The following GALNT17 variants were observed in gnomAD, a reference collection of about 807,000 sequenced individuals.
GALNT17 encodes the protein UDP-GalNAc:polypeptide N-acetylgalactosaminyltransferase-like 3.
Under a neutral mutation model 63.7 loss-of-function variants are expected in GALNT17, and 29 were observed. The ratio of observed to expected loss-of-function variants is 0.46; its 90% CI spans 0.34 to 0.62. The LOEUF is 0.62. GALNT17 is among the 20% of genes least tolerant of loss of function. The probability of loss-of-function intolerance (pLI) is 0.01; values close to 1 mark genes in which losing one functional copy is unlikely to be tolerated. For synonymous variants in GALNT17, 305 were observed against 318.3 expected (o/e 0.96, Z 0.45); for missense variants, 603 against 799.6 (o/e 0.75, Z 2.97).
intron 1 of GALNT17, among the ~76,000 whole-genome samples, chr7:71,200,231 C>T (rs886084964): frequency 3.3e-5 from 5 of 152,070 alleles, no homozygotes; most frequent in African/African-American, 1.2e-4. Flanking sequence ...TTGAAAGCCC[C>T]ATGTCTTTAT....
At chr7:71,275,288 A>G (rs1385307054) in intron 1 of GALNT17, among the ~76,000 whole-genome samples, 1 of 152,162 alleles carries the variant, frequency 6.6e-6, no homozygotes, top group Non-Finnish European at 1.5e-5. Context: ...CAAATTCCCA[A>G]GATGTAGTGA....
intron 1 of GALNT17, 81 bp from the exon 2 acceptor site, chr7:71,335,469 G>A: frequency 7.5e-7 from 1 of 1,336,262 alleles, no homozygotes; most frequent in Admixed American, 2.7e-5. Flanking sequence ...TAAAATGTCT[G>A]TTGAAGCTGC....
At chr7:71,590,124 T>C (rs1467457985) in intron 6 of GALNT17, among the ~76,000 whole-genome samples, 1 of 152,170 alleles carries the variant, frequency 6.6e-6, no homozygotes, top group Non-Finnish European at 1.5e-5. Flanking sequence ...AGCATGAAAT[T>C]GGATTTCCTC....
intron 1 of GALNT17, among the ~76,000 whole-genome samples, chr7:71,319,741 T>C (rs1791569358): frequency 6.6e-6 from 1 of 152,212 alleles, no homozygotes; most frequent in Non-Finnish European, 1.5e-5. Context: ...TTCAACATCC[T>C]TTGTTGCTCA....
At chr7:71,640,500 G>A (rs1190173353) in intron 6 of GALNT17, among the ~76,000 whole-genome samples, 2 of 152,050 alleles carry the variant, frequency 1.3e-5, no homozygotes, top group African/African-American at 2.4e-5. Flanking sequence ...TTTCTTTAAT[G>A]AATGTAGGCT....
intron 2 of GALNT17, among the ~76,000 whole-genome samples, chr7:71,337,306 A>G (rs1031927789): frequency 2.0e-5 from 3 of 152,074 alleles, no homozygotes; most frequent in East Asian, 1.9e-4. Flanking sequence ...ATAACATTCT[A>G]TTGAATATTT....
At chr7:71,657,870 A>C (rs569923356) in intron 6 of GALNT17, among the ~76,000 whole-genome samples, 1,642 of 147,450 alleles carry the variant, frequency 0.011, 37 homozygotes, top group African/African-American at 0.04. Context: ...GGATGGATGG[A>C]TGGATGGATG....
intron 1 of GALNT17, among the ~76,000 whole-genome samples, chr7:71,148,925 G>C (rs1298677682): frequency 1.5e-5 from 2 of 136,138 alleles, no homozygotes; most frequent in African/African-American, 5.5e-5. Flanking sequence ...ACAACTATTT[G>C]ATTTTGTTGT....
chr7:71,165,679 A>C (rs1055826689), intron 1 of GALNT17, among the ~76,000 whole-genome samples: 3 of 152,250 alleles, frequency 2.0e-5, no homozygotes, highest in African/African-American at 7.2e-5. Flanking sequence ...AAACCATGTC[A>C]AGATACATGT....
At chr7:71,379,798 G>C (rs1792811332) in intron 2 of GALNT17, among the ~76,000 whole-genome samples, 2 of 152,114 alleles carry the variant, frequency 1.3e-5, no homozygotes, top group African/African-American at 4.8e-5. Context: ...TTTCAGTGAA[G>C]GTCCAGGCTA....
chr7:71,205,154 T>G lies in GALNT17; in HGVS notation c.238+72114T>G, dbSNP rs1387678113. On this transcript the variant is annotated intron_variant, in intron 1 of 10. Coordinates refer to ENST00000333538, the MANE Select transcript of GALNT17 (RefSeq NM_022479.3). ...TATTTTTTATTTTTTACTTTTTACT[T>G]TTTTTTTTTTTTTTTTTTGAGACAG... Among the ~76,000 whole-genome samples, 3 of 64,820 alleles carry G rather than the reference T, an allele frequency of 4.6e-5. No homozygotes were observed. In the African/African-American group the frequency reaches 5.3e-4, roughly 11 times the overall value. The allele number at this position is 64,820 out of a possible 152,430, so 42.5% of individuals were successfully genotyped here.
chr7:71,364,609 C>T (rs1380452662), intron 2 of GALNT17, among the ~76,000 whole-genome samples: 1 of 152,082 alleles, frequency 6.6e-6, no homozygotes, highest in Non-Finnish European at 1.5e-5. Context: ...TTTTCAATGA[C>T]TCATTAAAGC....
intron 6 of GALNT17, among the ~76,000 whole-genome samples, chr7:71,580,352 T>C (rs1789614452): frequency 1.3e-5 from 2 of 151,640 alleles, no homozygotes; most frequent in African/African-American, 4.8e-5. Context: ...AGATGATAGA[T>C]TAGACAGATG....
intron 5 of GALNT17, among the ~76,000 whole-genome samples, chr7:71,538,459 G>A (rs1446272503): frequency 6.6e-6 from 1 of 152,118 alleles, no homozygotes; most frequent in African/African-American, 2.4e-5. Flanking sequence ...CAGTCAACCC[G>A]ACGGGACGCG....
intron 5 of GALNT17, among the ~76,000 whole-genome samples, chr7:71,515,257 T>C (rs952555530): frequency 3.9e-5 from 6 of 152,028 alleles, no homozygotes; most frequent in African/African-American, 1.4e-4. Flanking sequence ...GAGGCTCGGG[T>C]TGGCATTGCA....
intron 1 of GALNT17, chr7:71,300,252 TGAAG>T (rs1216303821): frequency 6.8e-6 from 2 of 292,474 alleles, no homozygotes; most frequent in African/African-American, 4.4e-5. Flanking sequence ...TAATTTAGGT[TGAAG>T]GAATGTGTGC....
At chr7:71,405,298 G>A (rs116080067) in intron 3 of GALNT17, among the ~76,000 whole-genome samples, 244 of 152,216 alleles carry the variant, frequency 1.6e-3, no homozygotes, top group African/African-American at 5.5e-3. Context: ...GAGAGTTGCT[G>A]GCCCTCTGTC....
intron 5 of GALNT17, among the ~76,000 whole-genome samples, chr7:71,439,364 T>C (rs1046695156): frequency 6.6e-6 from 1 of 152,202 alleles, no homozygotes; most frequent in African/African-American, 2.4e-5. Flanking sequence ...TGACATCACC[T>C]AGGTACCTTC....
chr7:71,513,689 T>G (rs1225721931), intron 5 of GALNT17, among the ~76,000 whole-genome samples: 1 of 151,612 alleles, frequency 6.6e-6, no homozygotes, highest in Non-Finnish European at 1.5e-5. Flanking sequence ...CCCGGCCCCT[T>G]GGCTATTTTT....
Sources: gnomAD v4.1 joint callset for allele counts (sites outside exome capture counted in the v4.1 genomes callset) on GRCh38, gnomAD v4.1.1 for gene constraint, MANE v1.5 for transcripts, NCBI Gene and HGNC (gene_info 2026-07-23, HGNC 2026-07-21) for gene names.